Variants in DNTT observed in about 807,000 individuals in gnomAD.
DNTT encodes the protein nucleosidetriphosphate:DNA deoxynucleotidylexotransferase.
In DNTT, 47 loss-of-function variants were observed where a neutral mutation model predicts 60.9. That is an observed-to-expected ratio of 0.77 (90% CI 0.61 to 0.98). The LOEUF (loss-of-function observed/expected upper bound fraction) is 0.98. Ranked by LOEUF, DNTT falls within the 50% of genes least tolerant of loss-of-function variation. DNTT has a pLI of 0.00. For missense variants in DNTT, 665 were observed against 627.5 expected (o/e 1.06, Z -0.64); for synonymous variants, 224 against 221.2 (o/e 1.01, Z -0.11).
In DNTT at chr10:96,335,990, T is replaced by TA; in HGVS notation, c.1443+20dup. ...CAAGACCAAGGTACAGTTCTCTTCC[T>TA]AAAAGGGGCTACTTTGATCCTCATC... is the stretch of plus-strand genomic sequence containing the variant. On this transcript the variant is annotated intron_variant, in intron 10 of 10. Transcript: ENST00000371174. 6.2e-7 allele frequency: 1 copy of TA among 1,613,590 alleles called. No homozygotes were observed. The highest frequency in any genetic ancestry group is 8.5e-7 in the Non-Finnish European group (1 of 1,179,468).
chr10:96,337,324 G>T (rs1845084317), intron 10 of DNTT, among the ~76,000 whole-genome samples: 1 of 152,136 alleles, frequency 6.6e-6, no homozygotes, highest in South Asian at 2.1e-4. Flanking sequence ...GCCAGACTTG[G>T]GTCATGTGCT....
In DNTT at chr10:96,322,726, A is replaced by G; in HGVS notation, c.748A>G (p.Lys250Glu). 1.3e-6 allele frequency: 2 copies of G among 1,589,452 alleles called. No individual in the cohort carries two copies. The highest frequency in any genetic ancestry group is 2.3e-5 in the South Asian group (2 of 87,442). ...AAATGATGAACGATATCAATCCTTC[A>G]AAGTAAGTGATTTTACATATATTTA... ...VLNDERYQSF[K>E]LFTSVFGVGL... The change falls in exon 5 of 11, where the codon AAA (lysine) becomes GAA (glutamate). Residue 250 changes from lysine to glutamate, a missense_variant and splice_region_variant. Coordinates refer to ENST00000371174, the MANE Select transcript of DNTT (RefSeq NM_004088.4).
intron 1 of DNTT, among the ~76,000 whole-genome samples, chr10:96,314,362 G>A (rs1365366704): frequency 3.8e-5 from 5 of 132,050 alleles, no homozygotes; most frequent in Non-Finnish European, 4.8e-5. Flanking sequence ...CTAATTATTC[G>A]CTGGGTGAAA....
chr10:96,328,351 T>C (rs1007229137), intron 7 of DNTT, among the ~76,000 whole-genome samples: 40 of 152,252 alleles, frequency 2.6e-4, no homozygotes, highest in Admixed American at 2.5e-3. Flanking sequence ...CTTTACTCCA[T>C]GTCATAATTC....
At position 96,332,303 on chromosome 10, in the gene DNTT, A is replaced by T. The variant is rs370429227; in HGVS notation, c.1114-48A>T. On this transcript the variant is annotated intron_variant, in intron 8 of 10. Transcript: ENST00000371174. ...TTAAGAATCCAGTGTTAAATCATAG[A>T]TCTTCTTCATCAGGGCCTTTTCCTG... 12 of 1,591,108 alleles carry T rather than the reference A, an allele frequency of 7.5e-6. No homozygotes were observed. In the African/African-American group the frequency reaches 1.3e-4, roughly 18 times the overall value.
chr10:96,336,165 T>C (rs1845066809), intron 10 of DNTT, among the ~76,000 whole-genome samples, 191 bp downstream of exon 10: 1 of 152,192 alleles, frequency 6.6e-6, no homozygotes, highest in South Asian at 2.1e-4. Flanking sequence ...CGGCCCAGAA[T>C]GCAATTCGAG....
At chr10:96,320,921 TCCTC>T in intron 4 of DNTT, 133 bp downstream of exon 4, 1 of 1,005,938 alleles carries the variant, frequency 9.9e-7, no homozygotes, top group Non-Finnish European at 1.4e-6. Context: ...TTATACATAT[TCCTC>T]TCTCTCTCCT....
At chr10:96,335,807 A>T in intron 9 of DNTT, 84 bp from the exon 10 acceptor site, 1 of 1,443,646 alleles carries the variant, frequency 6.9e-7, no homozygotes, top group Admixed American at 1.7e-5. Context: ...GTGGAGTTAC[A>T]TATTTCACTA....
intron 8 of DNTT, among the ~76,000 whole-genome samples, chr10:96,329,272 T>C (rs1844976866): frequency 6.6e-6 from 1 of 152,142 alleles, no homozygotes; most frequent in African/African-American, 2.4e-5. Flanking sequence ...CGTGCTGAGA[T>C]GGAATGAAGG....
intron 4 of DNTT, among the ~76,000 whole-genome samples, chr10:96,322,038 G>A (rs1010495549): frequency 1.3e-5 from 2 of 151,974 alleles, no homozygotes; most frequent in African/African-American, 2.4e-5. Flanking sequence ...GAGCAGTGGT[G>A]CGTTTGACAT....
Position 96,304,663 on chromosome 10 carries a change from G to A in DNTT, c.166G>A (p.Ala56Thr), listed in dbSNP as rs373710274. 3 of 1,613,998 alleles carry A rather than the reference G, an allele frequency of 1.9e-6. No individual in the cohort carries two copies. The highest frequency in any genetic ancestry group is 2.7e-5 in the African/African-American group (2 of 74,920). Residue 56 changes from alanine to threonine, a missense_variant, in exon 1 of 11, where the codon GCC becomes ACC. By Grantham distance (58) the Ala-to-Thr change is moderately conservative (BLOSUM62 0). Coordinates refer to ENST00000371174, the MANE Select transcript of DNTT (RefSeq NM_004088.4). The stretch of plus-strand genomic sequence containing the variant: ...CCGCAGAGCGTTCCTCATGGAGCTG[G>A]CCCGCAGGAAAGGGTTCAGGGTTGA... ...TTRRAFLMEL[A>T]RRKGFRVENE...
intron 1 of DNTT, among the ~76,000 whole-genome samples, chr10:96,305,562 A>T (rs1844623951): frequency 1.3e-5 from 2 of 152,252 alleles, no homozygotes; most frequent in African/African-American, 4.8e-5. Flanking sequence ...GCAATGAAGG[A>T]GTAATGATTT....
At chr10:96,324,191 C>T in intron 5 of DNTT, 75 bp from the exon 6 acceptor site, 2 of 1,515,064 alleles carry the variant, frequency 1.3e-6, no homozygotes, top group South Asian at 2.7e-5. Flanking sequence ...TTGCCTGAGA[C>T]CTAGAAAGGG....
chr10:96,322,368 A>G (rs1777597800), intron 4 of DNTT, among the ~76,000 whole-genome samples: 2 of 152,324 alleles, frequency 1.3e-5, no homozygotes, highest in Admixed American at 1.3e-4. Flanking sequence ...ATATTTGGAC[A>G]TACATTTTTC....
chr10:96,336,027 C>T (rs1466213694), intron 10 of DNTT, 53 bp downstream of exon 10: 2 of 1,583,012 alleles, frequency 1.3e-6, no homozygotes, highest in Non-Finnish European at 1.7e-6. Context: ...CCAAGGCTGG[C>T]CCCCGAGCTT....
Position 96,332,689 on chromosome 10 carries a change from G to T in DNTT, c.1359+93G>T. 3.2e-6 allele frequency: 5 copies of T among 1,543,354 alleles called. No homozygotes were observed. In the South Asian group the frequency reaches 6.2e-5, roughly 19 times the overall value. On this transcript the variant is annotated intron_variant, in intron 9 of 10. Transcript: ENST00000371174. The stretch of plus-strand genomic sequence containing the variant: ...CCCAGGGGAGAGATGACGGCAACAG[G>T]GGCTGGGTGACAGGGGAGGGGCCAG...
At chr10:96,329,050 C>T (rs1441560148) in intron 8 of DNTT, among the ~76,000 whole-genome samples, 1 of 152,186 alleles carries the variant, frequency 6.6e-6, no homozygotes, top group Non-Finnish European at 1.5e-5. Flanking sequence ...TTATACTTAC[C>T]CTATTGCCAA....
rs553758810 is a variant in DNTT at position 96,311,793 on chromosome 10, G to C, written c.204-6559G>C. Among the ~76,000 whole-genome samples the C allele has an allele frequency of 7.2e-5, 11 of 152,270 alleles. No homozygotes were observed. The South Asian group carries it at 2.3e-3, about 32-fold the overall frequency. Reference sequence around the variant, plus strand: ...CGAGTGGCTGGGATTACAGGCACGTGCCACCACACCCAGCTAATTTTTGTA... The same window carrying C: ...CGAGTGGCTGGGATTACAGGCACGTCCCACCACACCCAGCTAATTTTTGTA... On this transcript the variant is annotated intron_variant, in intron 1 of 10. Transcript: ENST00000371174.
intron 1 of DNTT, among the ~76,000 whole-genome samples, chr10:96,308,238 G>A (rs1389096298): frequency 6.6e-6 from 1 of 152,146 alleles, no homozygotes; most frequent in Non-Finnish European, 1.5e-5. Flanking sequence ...TGCACTGTCT[G>A]GAGCTATTTC....
Sources: gnomAD v4.1 joint callset for allele counts (sites outside exome capture counted in the v4.1 genomes callset) on GRCh38, gnomAD v4.1.1 for gene constraint, MANE v1.5 for transcripts, NCBI Gene and HGNC (gene_info 2026-07-23, HGNC 2026-07-21) for gene names.